Variants in CNTNAP3B observed in about 807,000 individuals in gnomAD.
The protein encoded by CNTNAP3B is contactin-associated protein-like 3B.
A neutral mutation model predicts 108.9 loss-of-function variants in CNTNAP3B; 25 were observed. The ratio of observed to expected loss-of-function variants is 0.23; its 90% CI spans 0.17 to 0.32. CNTNAP3B has a LOEUF of 0.32. Ranked by LOEUF, CNTNAP3B falls within the 10% of genes least tolerant of loss-of-function variation. CNTNAP3B has a pLI of 1.00. For synonymous variants in CNTNAP3B, 103 were observed against 473.4 expected, an observed-to-expected ratio of 0.22 and a Z score of 10.16; for missense variants, 252 against 1,210.4, an observed-to-expected ratio of 0.21 and a Z score of 11.75.
intron 3 of CNTNAP3B, among the ~76,000 whole-genome samples, chr9:42,030,813 G>GGGGAGAGAGAGAGA (rs1554751524): frequency 4.6e-5 from 3 of 65,746 alleles, no homozygotes; most frequent in East Asian, 5.0e-4. Context: ...GAGAGAGAGA[G>GGGGAGAGAGAGAGA]GAGAGAGAGA....
Position 42,063,374 on chromosome 9 carries a change from C to G in CNTNAP3B, c.390+13495G>C, listed in dbSNP as rs1462820361. On this transcript the variant is annotated intron_variant, in intron 3 of 23. Transcript: ENST00000377561. ...CCTTTCAGCACTTGAATATATCATC[C>G]TGCTCTTCCCTGGCCTGTAAGGTTT... 1.5e-5 allele frequency among the ~76,000 whole-genome samples: 2 copies of G among 135,696 alleles called. 1 individual carries two copies. The highest frequency in any genetic ancestry group is 5.9e-5 in the African/African-American group (2 of 33,736). The allele number at this position is 135,696 out of a possible 152,430, so 89.0% of individuals were successfully genotyped here.
At position 42,129,027 on chromosome 9, in the gene CNTNAP3B, A is replaced by G. The variant is rs1428059528; in HGVS notation, c.68T>C (p.Val23Ala). Reference sequence around the variant, plus strand: ...GTACTTACGTGGATTTCCTGCTCCTACGGGGCTCCAAGTCTGAGTGGGGAG... The same window carrying G: ...GTACTTACGTGGATTTCCTGCTCCTGCGGGGCTCCAAGTCTGAGTGGGGAG... The part of the protein sequence containing the change: ...LLLPTQTWSP[V>A]GAGNPPDCDS... Residue 23 changes from valine to alanine, a missense_variant, in exon 1 of 24, where the codon GTA (valine) becomes GCA (alanine). Physicochemically the swap from Val to Ala is moderately conservative, Grantham distance 64 (BLOSUM62 0). Transcript: ENST00000377561. 1 of 1,578,504 alleles carries G rather than the reference A, an allele frequency of 6.3e-7. No individual in the cohort carries two copies. Among genetic ancestry groups the G allele is most frequent in the South Asian group, 1.1e-5 (1 of 89,358 alleles).
intron 3 of CNTNAP3B, among the ~76,000 whole-genome samples, chr9:42,016,798 T>G (rs1826223823): frequency 6.6e-6 from 1 of 151,046 alleles, no homozygotes; most frequent in South Asian, 2.1e-4. Flanking sequence ...TCTTTCTTTG[T>G]AAAGTAGAAA....
chr9:41,952,372 A>C (rs1422087742), intron 13 of CNTNAP3B, among the ~76,000 whole-genome samples: 4 of 152,210 alleles, frequency 2.6e-5, no homozygotes. Context: ...CCTGGGCTCC[A>C]GTGATCCTCC....
At chr9:42,089,433 A>T (rs938541666) in intron 2 of CNTNAP3B, among the ~76,000 whole-genome samples, 1 of 133,842 alleles carries the variant, frequency 7.5e-6, no homozygotes, top group Non-Finnish European at 1.6e-5. Context: ...AATAGTGGAA[A>T]TTCTAAGTAG....
chr9:41,986,256 G>C lies in CNTNAP3B; in HGVS notation c.1389C>G (p.Ser463Arg), dbSNP rs1260302262. ...WHSVSFSAKW[S>R]HMNVVVDDDT... ...CATCATCCACCACCACATTCATATG[G>C]CTCCACTTGGCAGAGAAGGATACAG... The change falls in exon 9 of 24, where the codon AGC becomes AGG. Residue 463 changes from serine to arginine, a missense_variant. Coordinates refer to ENST00000377561, the MANE Select transcript of CNTNAP3B (RefSeq NM_001201380.3). 3 of 1,095,228 alleles carry C rather than the reference G, an allele frequency of 2.7e-6. 1 individual carries two copies. The African/African-American group carries it at 6.2e-5, about 22-fold the overall frequency. 67.8% of individuals were successfully genotyped at this position (1,095,228 alleles called of 1,614,324 possible). A position where few individuals can be genotyped will look rare whatever the true frequency, so the allele number is the denominator to read the frequency against.
intron 10 of CNTNAP3B, among the ~76,000 whole-genome samples, chr9:41,968,955 C>T (rs1481467561): frequency 2.6e-5 from 4 of 152,254 alleles, no homozygotes; most frequent in South Asian, 4.1e-4. Context: ...CGCCACCATG[C>T]CTGGCTAATT....
At chr9:42,044,254 C>A (rs2118525950) in intron 3 of CNTNAP3B, among the ~76,000 whole-genome samples, 1 of 150,954 alleles carries the variant, frequency 6.6e-6, no homozygotes, top group East Asian at 2.0e-4. Flanking sequence ...TTTATAAAAG[C>A]AACTTCATCA....
Position 42,100,096 on chromosome 9 carries a change from G to A in CNTNAP3B, c.196+4533C>T, listed in dbSNP as rs778528221. Among the ~76,000 whole-genome samples the A allele has an allele frequency of 8.6e-3, 355 of 41,336 alleles. 24 individuals carry two copies. The highest frequency in any genetic ancestry group is 0.026 in the African/African-American group (336 of 13,020). The allele number at this position is 41,336 out of a possible 152,430, so 27.1% of individuals were successfully genotyped here. On this transcript the variant is annotated intron_variant, in intron 2 of 23. Coordinates refer to ENST00000377561, the MANE Select transcript of CNTNAP3B (RefSeq NM_001201380.3). The stretch of plus-strand genomic sequence containing the variant: ...GATGTGTGTGGGCCATAATGATGTT[G>A]ATATTAATATGCTATTAATTCCTCT...
chr9:41,927,016 A>C, intron 15 of CNTNAP3B, among the ~76,000 whole-genome samples: 1 of 152,422 alleles, frequency 6.6e-6, no homozygotes, highest in Non-Finnish European at 1.5e-5. Flanking sequence ...AGGCATCTGA[A>C]GCCTGCAGAT....
intron 11 of CNTNAP3B, among the ~76,000 whole-genome samples, chr9:41,963,516 G>A (rs1164436873): frequency 2.7e-5 from 4 of 149,456 alleles, no homozygotes; most frequent in Non-Finnish European, 5.9e-5. Context: ...ATATGGCAGA[G>A]GCAGTTGAGA....
intron 14 of CNTNAP3B, among the ~76,000 whole-genome samples, chr9:41,936,873 A>T (rs1417809974): frequency 6.6e-6 from 1 of 152,310 alleles, no homozygotes; most frequent in African/African-American, 2.4e-5. Context: ...AATAATATCC[A>T]TGTAAATGTA....
chr9:41,954,499 A>G (rs1252733676), intron 12 of CNTNAP3B, among the ~76,000 whole-genome samples: 2 of 152,288 alleles, frequency 1.3e-5, no homozygotes, highest in African/African-American at 4.8e-5. Flanking sequence ...AAGGTGTGAT[A>G]CCCACAAATG....
chr9:41,951,853 G>A (rs1339626733), intron 13 of CNTNAP3B, among the ~76,000 whole-genome samples: 2 of 152,218 alleles, frequency 1.3e-5, no homozygotes, highest in Admixed American at 1.3e-4. Flanking sequence ...GAGGCGGGCG[G>A]ATCACCTGAG....
At chr9:41,928,372 A>G (rs1424324862) in intron 15 of CNTNAP3B, among the ~76,000 whole-genome samples, 8 of 152,178 alleles carry the variant, frequency 5.3e-5, no homozygotes, top group Non-Finnish European at 8.8e-5. Flanking sequence ...TGCATCTCAG[A>G]TGAGGAGCCC....
At chr9:41,961,682 T>C (rs1272288104) in intron 11 of CNTNAP3B, among the ~76,000 whole-genome samples, 1 of 152,296 alleles carries the variant, frequency 6.6e-6, no homozygotes, top group Non-Finnish European at 1.5e-5. Context: ...TAAAAAATAA[T>C]TAAAGCTGAT....
At position 42,045,585 on chromosome 9, in the gene CNTNAP3B, GTTAAAGAAATA is replaced by G. The variant is rs1161976736; in HGVS notation, c.390+31273_390+31283del. On this transcript the variant is annotated intron_variant, in intron 3 of 23. Transcript: ENST00000377561. ...CACCCCCCCAATATAAAATGAAGAT[GTTAAAGAAATA>G]TTGGCCCTCCTATGTTCACTGCAGC... is the stretch of plus-strand genomic sequence containing the variant. 3.7e-5 allele frequency among the ~76,000 whole-genome samples: 5 copies of G among 133,734 alleles called. No individual in the cohort carries two copies. In the Admixed American group the frequency reaches 3.8e-4, roughly 10 times the overall value. The allele number at this position is 133,734 out of a possible 152,430, so 87.7% of individuals were successfully genotyped here. A position where few individuals can be genotyped will look rare whatever the true frequency, so the allele number is the denominator to read the frequency against.
chr9:42,122,080 C>A (rs1828475835), intron 1 of CNTNAP3B, among the ~76,000 whole-genome samples: 1 of 139,766 alleles, frequency 7.2e-6, no homozygotes. Flanking sequence ...TTAGGGAATT[C>A]AAAGTTTTCT....
intron 13 of CNTNAP3B, among the ~76,000 whole-genome samples, chr9:41,951,001 G>A (rs1435370538): frequency 3.5e-5 from 4 of 114,324 alleles, no homozygotes; most frequent in African/African-American, 1.3e-4. Flanking sequence ...TGATCCGCCC[G>A]CCTCGGCCTC....
Sources: gnomAD v4.1 joint callset for allele counts (sites outside exome capture counted in the v4.1 genomes callset) on GRCh38, gnomAD v4.1.1 for gene constraint, MANE v1.5 for transcripts, NCBI Gene and HGNC (gene_info 2026-07-23, HGNC 2026-07-21) for gene names.